Variants in FSTL4 observed in about 807,000 individuals in gnomAD.
FSTL4 encodes follistatin like 4, also known as follistatin-related protein 4.
In FSTL4, 28 loss-of-function variants were observed where a neutral mutation model predicts 78.2. That is an observed-to-expected ratio of 0.36 (90% CI 0.27 to 0.49). FSTL4 has a LOEUF of 0.49. Among genes scored for constraint, FSTL4 ranks in the 20% least tolerant of loss-of-function variants. FSTL4 has a pLI of 0.98. For missense variants in FSTL4, 922 were observed against 1,084.9 expected, an observed-to-expected ratio of 0.85 and a Z score of 2.11; for synonymous variants, 422 against 440.5, an observed-to-expected ratio of 0.96 and a Z score of 0.53.
At chr5:133,818,885 G>A in the FSTL4 span, among the ~76,000 whole-genome samples, 1 of 126,492 alleles carries the variant, frequency 7.9e-6, no homozygotes, top group African/African-American at 3.0e-5. Context: ...CCCCCACCCA[G>A]CCCTTCTCTT....
At chr5:133,557,872 C>T (rs908037564) in intron 3 of FSTL4, among the ~76,000 whole-genome samples, 7 of 152,206 alleles carry the variant, frequency 4.6e-5, no homozygotes, top group Non-Finnish European at 4.4e-5. Flanking sequence ...GCAACAAAAA[C>T]GTCACCACTG....
chr5:133,652,509 A>C, the FSTL4 span, among the ~76,000 whole-genome samples: 4 of 152,268 alleles, frequency 2.6e-5, no homozygotes, highest in Non-Finnish European at 5.9e-5. Context: ...TCTTTGACCC[A>C]TATGTTATTT....
At chr5:133,783,829 T>C in the FSTL4 span, among the ~76,000 whole-genome samples, 2 of 152,212 alleles carry the variant, frequency 1.3e-5, no homozygotes, top group East Asian at 1.9e-4. Context: ...GAGGCTCCTT[T>C]TTTCAGGTTT....
At chr5:133,604,263 G>A (rs553444945) in intron 1 of FSTL4, among the ~76,000 whole-genome samples, 4 of 152,260 alleles carry the variant, frequency 2.6e-5, no homozygotes, top group Middle Eastern at 3.4e-3. Context: ...ATGCTGTTAC[G>A]TGGAAACCCA....
At chr5:133,436,734 C>A (rs1000765628) in intron 3 of FSTL4, among the ~76,000 whole-genome samples, 1 of 151,996 alleles carries the variant, frequency 6.6e-6, no homozygotes, top group Admixed American at 6.5e-5. Flanking sequence ...CTTTTCCCAC[C>A]GAGAACCGGT....
intron 2 of FSTL4, among the ~76,000 whole-genome samples, chr5:133,596,961 C>T (rs937851556): frequency 1.3e-5 from 2 of 152,194 alleles, no homozygotes; most frequent in South Asian, 4.1e-4. Context: ...GGATGGCTAC[C>T]CATCAAGAGA....
chr5:133,225,037 T>C lies in FSTL4; in HGVS notation c.1312+113A>G, dbSNP rs1334290633. The C allele has an allele frequency of 1.6e-6, 2 of 1,239,566 alleles. No homozygotes were observed. The highest frequency in any genetic ancestry group is 2.3e-5 in the East Asian group (1 of 43,086). 76.8% of individuals were successfully genotyped at this position (1,239,566 alleles called of 1,614,324 possible). A position where few individuals can be genotyped will look rare whatever the true frequency, so the allele number is the denominator to read the frequency against. On this transcript the variant is annotated intron_variant, in intron 10 of 15. Coordinates refer to ENST00000265342, the MANE Select transcript of FSTL4 (RefSeq NM_015082.2). The surrounding 1 kb of genome is among the most constrained non-coding windows in gnomAD (Gnocchi z 4.6). Reference sequence around the variant, plus strand: ...CAAAGAGGGATATGAGGCTTACCCCTGTCTTCACGGGCTCATGGTTGGCAG... The same window carrying C: ...CAAAGAGGGATATGAGGCTTACCCCCGTCTTCACGGGCTCATGGTTGGCAG...
chr5:133,232,345 T>C (rs764127268), intron 8 of FSTL4, among the ~76,000 whole-genome samples: 32 of 152,358 alleles, frequency 2.1e-4, no homozygotes, highest in Non-Finnish European at 2.8e-4. Flanking sequence ...ACCCCACTGC[T>C]GGCAGTGTGG....
At chr5:133,731,804 T>TGG in the FSTL4 span, among the ~76,000 whole-genome samples, 1 of 152,330 alleles carries the variant, frequency 6.6e-6, no homozygotes, top group African/African-American at 2.4e-5. Context: ...CAGACACTGC[T>TGG]GGGGTGCTGG....
chr5:133,305,117 G>A (rs1302278584), intron 6 of FSTL4, among the ~76,000 whole-genome samples: 1 of 152,192 alleles, frequency 6.6e-6, no homozygotes, highest in Non-Finnish European at 1.5e-5. Context: ...AACAGCTCTG[G>A]TTGCATGTCT....
intron 4 of FSTL4, among the ~76,000 whole-genome samples, chr5:133,362,133 G>A (rs1755086107): frequency 6.6e-6 from 1 of 152,202 alleles, no homozygotes; most frequent in Non-Finnish European, 1.5e-5. Context: ...TGTGGCATAT[G>A]AGTTGCCAAT....
intron 12 of FSTL4, among the ~76,000 whole-genome samples, chr5:133,220,170 A>T (rs566696685): frequency 2.6e-5 from 4 of 152,366 alleles, no homozygotes; most frequent in Admixed American, 2.0e-4. Context: ...GGGAAGGCAT[A>T]TGGGGCATTG....
chr5:133,515,419 C>T (rs897215848), intron 3 of FSTL4, among the ~76,000 whole-genome samples: 6 of 150,552 alleles, frequency 4.0e-5, no homozygotes, highest in African/African-American at 1.5e-4. Context: ...AAAAAAAAAA[C>T]TTCCAAAATT....
intron 3 of FSTL4, among the ~76,000 whole-genome samples, chr5:133,489,156 C>T (rs964598299): frequency 2.0e-5 from 3 of 152,208 alleles, no homozygotes; most frequent in Admixed American, 6.5e-5. Context: ...AAACTCTGGA[C>T]CTCTGAAGTG....
At chr5:133,665,256 C>A in the FSTL4 span, among the ~76,000 whole-genome samples, 1 of 152,226 alleles carries the variant, frequency 6.6e-6, no homozygotes, top group Non-Finnish European at 1.5e-5. Context: ...TGACCCAGCA[C>A]AAGCTTATTT....
chr5:133,519,669 T>C (rs540609119), intron 3 of FSTL4, among the ~76,000 whole-genome samples: 1 of 152,360 alleles, frequency 6.6e-6, no homozygotes, highest in South Asian at 2.1e-4. Context: ...AACCAGGTAT[T>C]ATCCCTCCTT....
the FSTL4 span, among the ~76,000 whole-genome samples, chr5:133,655,163 C>T: frequency 6.6e-6 from 1 of 152,224 alleles, no homozygotes; most frequent in African/African-American, 2.4e-5. Context: ...GAACCAGGCT[C>T]TAGACCTCAG....
At chr5:133,286,817 T>C (rs904893443) in intron 6 of FSTL4, among the ~76,000 whole-genome samples, 20 of 152,234 alleles carry the variant, frequency 1.3e-4, no homozygotes, top group Admixed American at 3.9e-4. Flanking sequence ...TTTAAGTGTC[T>C]GTGAGCGTCT....
chr5:133,240,336 A>G (rs987821345), intron 7 of FSTL4, among the ~76,000 whole-genome samples: 7 of 152,232 alleles, frequency 4.6e-5, no homozygotes, highest in Admixed American at 4.6e-4. Flanking sequence ...GACCTGAGGA[A>G]CCATCCTTTT....
Sources: gnomAD v4.1 joint callset for allele counts (sites outside exome capture counted in the v4.1 genomes callset) on GRCh38, gnomAD v4.1.1 for gene constraint, Gnocchi (gnomAD v3.1) non-coding constraint, MANE v1.5 for transcripts, NCBI Gene and HGNC (gene_info 2026-07-23, HGNC 2026-07-21) for gene names.